TMEM243: variants seen among roughly 807,000 people sequenced by gnomAD.
The protein encoded by TMEM243 is MDR1 and mitochondrial taxol resistance associated.
Under a neutral mutation model 15.0 loss-of-function variants are expected in TMEM243, and 20 were observed. That is an observed-to-expected ratio of 1.33 (90% CI 0.94 to 1.93). The LOEUF (loss-of-function observed/expected upper bound fraction) is 1.93. Among genes scored for constraint, TMEM243 ranks in the 30% most tolerant of loss-of-function variants. The probability of loss-of-function intolerance (pLI) is 0.00; values close to 1 mark genes in which losing one functional copy is unlikely to be tolerated. For synonymous variants in TMEM243, 72 were observed against 52.7 expected, an observed-to-expected ratio of 1.37 and a Z score of -1.59; for missense variants, 156 against 142.1, an observed-to-expected ratio of 1.10 and a Z score of -0.50.
chr7:87,198,941 CCATAATTGATAAAGTTTT>C, intron 2 of TMEM243, 48 bp downstream of exon 2: 1 of 1,389,682 alleles, frequency 7.2e-7, no homozygotes, highest in South Asian at 1.4e-5. Flanking sequence ...GGAAAGTTAA[CCATAATTGATAAAGTTTT>C]CAAAACTGGC....
intron 1 of TMEM243, among the ~76,000 whole-genome samples, chr7:87,215,212 T>C (rs1463154946): frequency 6.6e-6 from 1 of 152,196 alleles, no homozygotes; most frequent in Non-Finnish European, 1.5e-5. Flanking sequence ...TCACCCAGGC[T>C]GGAGTTCAGT....
chr7:87,198,301 TTAAC>T (rs1178047716), intron 2 of TMEM243: 1 of 366,374 alleles, frequency 2.7e-6, no homozygotes, highest in Non-Finnish European at 4.9e-6. Context: ...AATAACTTCA[TTAAC>T]TAAACCTCAC....
At chr7:87,203,229 CCCTAA>C (rs1466048527) in intron 1 of TMEM243, among the ~76,000 whole-genome samples, 1 of 152,114 alleles carries the variant, frequency 6.6e-6, no homozygotes, top group Non-Finnish European at 1.5e-5. Flanking sequence ...TATAATAAAA[CCCTAA>C]CCTAACTAAC....
At chr7:87,209,831 T>C (rs374685635) in intron 1 of TMEM243, among the ~76,000 whole-genome samples, 1 of 72,502 alleles carries the variant, frequency 1.4e-5, no homozygotes, top group Non-Finnish European at 2.8e-5. Flanking sequence ...CGAGAGACAG[T>C]GAGAGAGAGA....
At position 87,210,757 on chromosome 7, in the gene TMEM243, A is replaced by T. The variant is rs191434209; in HGVS notation, c.78+8669T>A. Among the ~76,000 whole-genome samples the T allele has an allele frequency of 1.4e-3, 216 of 152,302 alleles. 1 individual carries two copies. The highest frequency in any genetic ancestry group is 4.9e-3 in the African/African-American group (204 of 41,558). ...CAGCTGCTTTCACAGGCTGGCGCTG[A>T]GTGTCTGTGGCTTTTCCAGGCATAC... On this transcript the variant is annotated intron_variant, in intron 1 of 3. Coordinates refer to ENST00000257637, the MANE Select transcript of TMEM243 (RefSeq NM_024315.4).
chr7:87,199,609 T>C (rs182526360), intron 1 of TMEM243: 2 of 152,306 alleles, frequency 1.3e-5, no homozygotes, highest in African/African-American at 4.8e-5. Flanking sequence ...TTCCAAGTTA[T>C]TTAATAGTGA....
chr7:87,209,946 G>A (rs1802618868), intron 1 of TMEM243, among the ~76,000 whole-genome samples: 1 of 130,172 alleles, frequency 7.7e-6, no homozygotes, highest in Admixed American at 7.7e-5. Context: ...ACAGGAGGGG[G>A]ACAGAGAGAC....
intron 1 of TMEM243, among the ~76,000 whole-genome samples, chr7:87,209,067 G>A (rs1802424278): frequency 6.6e-6 from 1 of 152,232 alleles, no homozygotes; most frequent in Non-Finnish European, 1.5e-5. Context: ...GACTGCCCCT[G>A]CTTCTCTCTG....
At chr7:87,198,267 A>ATC (rs1666559886) in intron 2 of TMEM243, 3 of 445,844 alleles carry the variant, frequency 6.7e-6, no homozygotes, top group African/African-American at 6.1e-5. Flanking sequence ...GAGAGAAAAC[A>ATC]TCAGTAATAC....
chr7:87,207,320 G>A (rs571235657), intron 1 of TMEM243, among the ~76,000 whole-genome samples: 645 of 43,196 alleles, frequency 0.015, 302 homozygotes, highest in Non-Finnish European at 0.025. Context: ...AGCCGGCCGG[G>A]CGCGGTGGCT....
chr7:87,215,446 T>A (rs140320511), intron 1 of TMEM243, among the ~76,000 whole-genome samples: 6 of 152,348 alleles, frequency 3.9e-5, no homozygotes, highest in African/African-American at 1.4e-4. Context: ...GAAATGATAG[T>A]ATTAATATTT....
Position 87,211,807 on chromosome 7 carries a change from T to C in TMEM243, c.78+7619A>G, listed in dbSNP as rs1802772076. On this transcript the variant is annotated intron_variant, in intron 1 of 3. Coordinates refer to ENST00000257637, the MANE Select transcript of TMEM243 (RefSeq NM_024315.4). ...ACCGGAGGTATAGCAGCCACACAGG[T>C]GGAAAGCAAGGAGACATTCTGTCTC... Among the ~76,000 whole-genome samples the C allele has an allele frequency of 2.0e-5, 3 of 152,076 alleles. No individual in the cohort carries two copies. The South Asian group carries it at 6.2e-4, about 32-fold the overall frequency.
intron 1 of TMEM243, among the ~76,000 whole-genome samples, chr7:87,204,708 T>TCC (rs957921346): frequency 5.9e-5 from 9 of 152,286 alleles, no homozygotes; most frequent in Non-Finnish European, 8.8e-5. Context: ...GGGTACAGCC[T>TCC]CCCTCCCAGC....
intron 1 of TMEM243, among the ~76,000 whole-genome samples, chr7:87,203,686 A>G (rs1232072363): frequency 2.0e-5 from 3 of 152,190 alleles, no homozygotes; most frequent in African/African-American, 7.2e-5. Context: ...CTGACAGCCA[A>G]GTGGGAAGTA....
chr7:87,209,813 TGAGA>T (rs1225563587), intron 1 of TMEM243, among the ~76,000 whole-genome samples: 5 of 58,012 alleles, frequency 8.6e-5, no homozygotes, highest in Admixed American at 1.6e-4. Context: ...CGAGAGACAG[TGAGA>T]GAGCGAGAGA....
chr7:87,196,680 A>G lies in TMEM243; in HGVS notation c.313T>C (p.Leu105=). 6.2e-7 allele frequency: 1 copy of G among 1,610,388 alleles called. No homozygotes were observed. The highest frequency in any genetic ancestry group is 8.5e-7 in the Non-Finnish European group (1 of 1,178,170). Residue 105 remains leucine, a synonymous_variant, in exon 4 of 4, where the codon TTG becomes CTG. Transcript: ENST00000257637. ...IYYIIFSIIM[L]CICANLYFHD... Reference sequence around the variant, plus strand: ...AAGTACAGGTTTGCACATATACACAACATGATGATAGAAAATATGATATAG... The same window carrying G: ...AAGTACAGGTTTGCACATATACACAGCATGATGATAGAAAATATGATATAG...
At chr7:87,212,876 C>T (rs1415595366) in intron 1 of TMEM243, among the ~76,000 whole-genome samples, 1 of 151,808 alleles carries the variant, frequency 6.6e-6, no homozygotes, top group Non-Finnish European at 1.5e-5. Flanking sequence ...TAAAGAAGAG[C>T]TTATTCTATA....
chr7:87,211,963 T>C (rs11975035), intron 1 of TMEM243, among the ~76,000 whole-genome samples: 5,688 of 152,344 alleles, frequency 0.037, 127 homozygotes, highest in East Asian at 0.065. Context: ...TATGAGAATT[T>C]GGGCACACCC....
intron 1 of TMEM243, among the ~76,000 whole-genome samples, chr7:87,207,666 G>C (rs186431834): frequency 1.4e-4 from 21 of 152,318 alleles, no homozygotes; most frequent in Admixed American, 3.9e-4. Flanking sequence ...ACATTCTTGA[G>C]GGAGAAGGCA....
Sources: allele counts gnomAD v4.1 joint callset (sites outside exome capture counted in the v4.1 genomes callset), GRCh38; gene constraint gnomAD v4.1.1; transcripts MANE v1.5; gene names NCBI Gene and HGNC (gene_info 2026-07-23, HGNC 2026-07-21).